BICC1: variants seen among roughly 807,000 people sequenced by gnomAD.
The protein encoded by BICC1 is BicC family RNA binding protein 1.
In BICC1, 43 loss-of-function variants were observed where a neutral mutation model predicts 111.0. The observed-to-expected ratio is 0.39, with a 90% CI of 0.30 to 0.50. The LOEUF (loss-of-function observed/expected upper bound fraction) is 0.50. BICC1 is among the 20% of genes least tolerant of loss of function. The pLI, the probability that BICC1 is intolerant of heterozygous loss-of-function variation, is 0.88. For missense variants in BICC1, 1,091 were observed against 1,203.2 expected (o/e 0.91, Z 1.38); for synonymous variants, 467 against 434.4 (o/e 1.07, Z -0.93).
chr10:58,686,583 T>C (rs1589020886), intron 2 of BICC1, among the ~76,000 whole-genome samples: 1 of 152,062 alleles, frequency 6.6e-6, no homozygotes, highest in East Asian at 1.9e-4. Flanking sequence ...ACTCTTTTTT[T>C]CTAAACTTCT....
chr10:58,820,890 A>G (rs764923364), intron 20 of BICC1, among the ~76,000 whole-genome samples: 11 of 152,136 alleles, frequency 7.2e-5, no homozygotes, highest in Non-Finnish European at 1.3e-4. Context: ...TGAGAAGAAA[A>G]GAATGCTGGT....
chr10:58,664,094 G>A (rs750218466), intron 2 of BICC1, among the ~76,000 whole-genome samples: 1 of 152,162 alleles, frequency 6.6e-6, no homozygotes, highest in Non-Finnish European at 1.5e-5. Flanking sequence ...GAGTGTAATT[G>A]TTGGCTCATG....
At chr10:58,621,593 A>G (rs1845809327) in intron 2 of BICC1, among the ~76,000 whole-genome samples, 1 of 152,088 alleles carries the variant, frequency 6.6e-6, no homozygotes, top group South Asian at 2.1e-4. Flanking sequence ...CTATCAGATT[A>G]CTTGAGTCCA....
intron 2 of BICC1, among the ~76,000 whole-genome samples, chr10:58,692,947 G>A (rs1839955344): frequency 6.6e-6 from 1 of 151,614 alleles, no homozygotes; most frequent in Non-Finnish European, 1.5e-5. Flanking sequence ...TGGCATATTG[G>A]TGTGCTGCAC....
At chr10:58,710,593 C>A (rs10763583) in intron 3 of BICC1, among the ~76,000 whole-genome samples, 151,924 of 152,312 alleles carry the variant, frequency 1, 75,769 homozygotes, top group Middle Eastern at 1. Context: ...TTTTACCTTG[C>A]TATTTCATGC....
intron 1 of BICC1, among the ~76,000 whole-genome samples, chr10:58,606,054 CT>C (rs887140534): frequency 2.3e-4 from 35 of 149,258 alleles, no homozygotes; most frequent in African/African-American, 6.1e-4. Flanking sequence ...AATTAATCAG[CT>C]TTTTTTTTTC....
At chr10:58,768,886 CAA>C (rs1842532824) in intron 3 of BICC1, among the ~76,000 whole-genome samples, 1 of 151,860 alleles carries the variant, frequency 6.6e-6, no homozygotes. Flanking sequence ...TATAAAGAAA[CAA>C]AACAACTGCA....
At chr10:58,596,208 G>T (rs1490895785) in intron 1 of BICC1, among the ~76,000 whole-genome samples, 1 of 151,864 alleles carries the variant, frequency 6.6e-6, no homozygotes, top group Non-Finnish European at 1.5e-5. Context: ...CGCTCAACTT[G>T]TTTGAGGGAT....
rs150704076 is a variant in BICC1 at position 58,585,164 on chromosome 10, A to G, written c.191-35691A>G. ...TTGAATAAGACTAACATATTTAGGT[A>G]GCATTTCAGTATTGCTATTTTTTTC... On this transcript the variant is annotated intron_variant, in intron 1 of 20. Coordinates refer to ENST00000373886, the MANE Select transcript of BICC1 (RefSeq NM_001080512.3). 1.6e-3 allele frequency among the ~76,000 whole-genome samples: 245 copies of G among 152,318 alleles called. 3 individuals are homozygous for G. Among genetic ancestry groups the G allele is most frequent in the African/African-American group, 5.7e-3 (236 of 41,564 alleles).
At chr10:58,570,832 A>G (rs1268092749) in intron 1 of BICC1, among the ~76,000 whole-genome samples, 1 of 152,190 alleles carries the variant, frequency 6.6e-6, no homozygotes, top group African/African-American at 2.4e-5. Flanking sequence ...CTAATTTAGC[A>G]TTGACACAGC....
intron 2 of BICC1, among the ~76,000 whole-genome samples, chr10:58,658,532 G>T (rs1297792251): frequency 6.6e-6 from 1 of 151,982 alleles, no homozygotes; most frequent in East Asian, 1.9e-4. Context: ...GTTGCCAAAT[G>T]GTGATTAATT....
At chr10:58,705,630 T>G (rs191349991) in intron 3 of BICC1, among the ~76,000 whole-genome samples, 15 of 152,242 alleles carry the variant, frequency 9.9e-5, no homozygotes, top group Non-Finnish European at 1.2e-4. Flanking sequence ...AGAAATATTT[T>G]CATGTGCACA....
chr10:58,588,409 T>C (rs1487863356), intron 1 of BICC1, among the ~76,000 whole-genome samples: 1 of 152,160 alleles, frequency 6.6e-6, no homozygotes, highest in Admixed American at 6.5e-5. Context: ...CTCATATGCA[T>C]CAGTCACTTT....
chr10:58,627,270 G>T (rs1488740963), intron 2 of BICC1, among the ~76,000 whole-genome samples: 1 of 152,150 alleles, frequency 6.6e-6, no homozygotes, highest in African/African-American at 2.4e-5. Context: ...AAATGAAATT[G>T]AATTCATGAA....
intron 1 of BICC1, among the ~76,000 whole-genome samples, chr10:58,524,782 G>C (rs1285817584): frequency 1.3e-5 from 2 of 152,102 alleles, no homozygotes; most frequent in Admixed American, 1.3e-4. Flanking sequence ...GCAACCTACA[G>C]AATGGGAAAA....
intron 2 of BICC1, among the ~76,000 whole-genome samples, chr10:58,639,336 C>G (rs1431447526): frequency 3.3e-5 from 5 of 151,954 alleles, no homozygotes; most frequent in African/African-American, 1.2e-4. Context: ...CTTTTATTTT[C>G]CTAAATTCCC....
At chr10:58,627,371 A>AT (rs1423754338) in intron 2 of BICC1, among the ~76,000 whole-genome samples, 1 of 152,226 alleles carries the variant, frequency 6.6e-6, no homozygotes, top group African/African-American at 2.4e-5. Flanking sequence ...TAAGAGACTT[A>AT]TTGGCATTAG....
At chr10:58,709,821 C>G (rs1840517795) in intron 3 of BICC1, among the ~76,000 whole-genome samples, 1 of 152,120 alleles carries the variant, frequency 6.6e-6, no homozygotes, top group African/African-American at 2.4e-5. Context: ...ACTGCCTGCA[C>G]TAATGAGGGA....
In BICC1 at chr10:58,813,993, G is replaced by T. The variant is rs9416746; in HGVS notation, c.2533+7G>T. 1,197,392 of 1,613,242 alleles carry T rather than the reference G, an allele frequency of 0.74. 445,413 individuals carry two copies. Among genetic ancestry groups the T allele is most frequent in the African/African-American group, 0.81 (60,803 of 74,984 alleles). On this transcript the variant is annotated splice_region_variant and intron_variant, in intron 18 of 20. Transcript: ENST00000373886. ...CGTAAACAAAACAAATCAAGTGAGC[G>T]TTGTGTTTTATGCACACTTTTAGGT...
Sources: allele counts gnomAD v4.1 joint callset (sites outside exome capture counted in the v4.1 genomes callset), GRCh38; gene constraint gnomAD v4.1.1; transcripts MANE v1.5; gene names NCBI Gene and HGNC (gene_info 2026-07-23, HGNC 2026-07-21).